Variants in IGSF11 observed in about 807,000 individuals in gnomAD.
IGSF11 encodes the protein immunoglobulin superfamily member 11, also known as CXADR like 1.
IGSF11 carries 22 observed loss-of-function variants against 41.0 expected under a neutral mutation model. The ratio of observed to expected loss-of-function variants is 0.54; its 90% CI spans 0.38 to 0.77. The LOEUF (loss-of-function observed/expected upper bound fraction) is 0.77, where lower values mean the gene tolerates loss of function less well. Among genes scored for constraint, IGSF11 ranks in the 30% least tolerant of loss-of-function variants. The pLI is 0.00. For missense variants in IGSF11, 444 were observed against 530.8 expected (o/e 0.84, Z 1.61); for synonymous variants, 219 against 201.3 (o/e 1.09, Z -0.74).
chr3:118,941,166 T>C (rs2107557746), intron 1 of IGSF11, among the ~76,000 whole-genome samples: 1 of 152,172 alleles, frequency 6.6e-6, no homozygotes, highest in African/African-American at 2.4e-5. Flanking sequence ...GGTAAGTTTC[T>C]TGTCTTCAAA....
rs533497738 is a variant in IGSF11, at chr3:118,909,033, G to A, written c.581-3315C>T. Among the ~76,000 whole-genome samples the A allele has an allele frequency of 1.4e-4, 21 of 152,306 alleles. No individual in the cohort carries two copies. In the South Asian group the frequency reaches 1.7e-3, roughly 12 times the overall value. On this transcript the variant is annotated intron_variant, in intron 4 of 6. Coordinates refer to ENST00000393775, the MANE Select transcript of IGSF11 (RefSeq NM_001015887.3). ...AAAGGTTAGTATAGTATATGGTAAT[G>A]TTTCCATGTGGGAATTCCTTCCTGG...
chr3:119,042,637 C>A (rs1941163398), intron 1 of IGSF11, among the ~76,000 whole-genome samples: 1 of 152,156 alleles, frequency 6.6e-6, no homozygotes, highest in Non-Finnish European at 1.5e-5. Flanking sequence ...AAAGCCTAAG[C>A]TCAGACCTGC....
upstream of IGSF11, among the ~76,000 whole-genome samples, chr3:119,039,171 C>T (rs185467506): frequency 8.5e-5 from 13 of 152,252 alleles, no homozygotes; most frequent in Admixed American, 5.2e-4. Flanking sequence ...TAACAAATTA[C>T]GACAAACTTG....
At chr3:119,048,262 A>C (rs911765085) in intron 1 of IGSF11, among the ~76,000 whole-genome samples, 1 of 152,124 alleles carries the variant, frequency 6.6e-6, no homozygotes, top group Non-Finnish European at 1.5e-5. Flanking sequence ...AAGACAAATA[A>C]AGAAAAAAAG....
Position 118,926,264 on chromosome 3 carries a change from A to C in IGSF11, c.425-8T>G. ...GTGGGGCAGAAGGGGGAACTATAAC[A>C]GGAAGAATAAGCAATAAAGTACACA... On this transcript the variant is annotated splice_region_variant and splice_polypyrimidine_tract_variant and intron_variant, in intron 3 of 6. Coordinates refer to ENST00000393775, the MANE Select transcript of IGSF11 (RefSeq NM_001015887.3). 1.3e-6 allele frequency: 2 copies of C among 1,574,584 alleles called. No individual in the cohort carries two copies. The highest frequency in any genetic ancestry group is 1.7e-6 in the Non-Finnish European group (2 of 1,155,112).
intron 1 of IGSF11, among the ~76,000 whole-genome samples, chr3:118,932,493 G>C (rs969892117): frequency 6.6e-6 from 1 of 152,190 alleles, no homozygotes; most frequent in African/African-American, 2.4e-5. Context: ...TTCATAAACT[G>C]TCTGTGATAG....
upstream of IGSF11, among the ~76,000 whole-genome samples, chr3:119,108,768 T>C (rs932281209): frequency 1.4e-5 from 2 of 145,204 alleles, no homozygotes; most frequent in Admixed American, 7.0e-5. Flanking sequence ...GTCCCATCAA[T>C]ACCTAATTTA....
chr3:118,993,874 G>A (rs1431718782), intron 1 of IGSF11, among the ~76,000 whole-genome samples: 1 of 152,196 alleles, frequency 6.6e-6, no homozygotes, highest in African/African-American at 2.4e-5. Context: ...GGTGTGGGAA[G>A]TGAATACTAA....
At chr3:119,113,243 G>A (rs755598179) in intron 1 of IGSF11, among the ~76,000 whole-genome samples, 4 of 152,066 alleles carry the variant, frequency 2.6e-5, no homozygotes, top group Non-Finnish European at 4.4e-5. Flanking sequence ...ATACAATTAT[G>A]CCTTCCCAAT....
At chr3:118,940,768 T>A (rs1228144103) in intron 1 of IGSF11, among the ~76,000 whole-genome samples, 1 of 151,944 alleles carries the variant, frequency 6.6e-6, no homozygotes, top group Non-Finnish European at 1.5e-5. Flanking sequence ...AGCATTGGAA[T>A]AAGGACATAT....
Position 119,001,309 on chromosome 3 carries a change from T to A in IGSF11, c.52+33222A>T, listed in dbSNP as rs1411094519. Among the ~76,000 whole-genome samples the A allele has an allele frequency of 2.6e-5, 4 of 151,578 alleles. No homozygotes were observed. The East Asian group carries it at 7.7e-4, about 29-fold the overall frequency. On this transcript the variant is annotated intron_variant, in intron 1 of 6. Coordinates refer to ENST00000393775, the MANE Select transcript of IGSF11 (RefSeq NM_001015887.3). ...ACTTACTTATATTTATTTTCTGTCT[T>A]TTGCCAATAGAATGTAAATTCCACA... is the stretch of plus-strand genomic sequence containing the variant.
At chr3:119,062,497 T>C (rs777322748) in intron 1 of IGSF11, among the ~76,000 whole-genome samples, 1 of 152,220 alleles carries the variant, frequency 6.6e-6, no homozygotes, top group Non-Finnish European at 1.5e-5. Context: ...CCTGCTATGA[T>C]GTGTTGAGTG....
rs749249448 is a variant in IGSF11 at position 118,928,729 on chromosome 3, G to A, written c.217-13C>T. 2.5e-6 allele frequency: 4 copies of A among 1,605,512 alleles called. No individual in the cohort carries two copies. The African/African-American group carries it at 4.0e-5, about 16-fold the overall frequency. On this transcript the variant is annotated splice_polypyrimidine_tract_variant and intron_variant, in intron 2 of 6. Transcript: ENST00000393775. ...GATACAGGATGACCTGGAAAAGAAAGCAAAATAAATAAACTGGCCACTCTA... is the reference window on the plus strand; with the variant it reads ...GATACAGGATGACCTGGAAAAGAAAACAAAATAAATAAACTGGCCACTCTA...
intron 1 of IGSF11, among the ~76,000 whole-genome samples, chr3:119,015,885 G>T (rs1283143806): frequency 6.6e-6 from 1 of 152,188 alleles, no homozygotes; most frequent in Non-Finnish European, 1.5e-5. Flanking sequence ...GGCATTACCT[G>T]TCCCACTTTC....
At chr3:118,914,206 A>AG (rs1202516426) in intron 4 of IGSF11, among the ~76,000 whole-genome samples, 1 of 152,228 alleles carries the variant, frequency 6.6e-6, no homozygotes, top group Non-Finnish European at 1.5e-5. Context: ...ATATGGGAAG[A>AG]GGGGGCATAA....
At chr3:118,934,628 A>T (rs1048304883) in intron 1 of IGSF11, among the ~76,000 whole-genome samples, 1 of 152,138 alleles carries the variant, frequency 6.6e-6, no homozygotes, top group Non-Finnish European at 1.5e-5. Flanking sequence ...TGGCTACCTC[A>T]AAGGCACCTC....
intron 1 of IGSF11, among the ~76,000 whole-genome samples, chr3:119,032,483 A>C (rs1451707139): frequency 3.9e-5 from 6 of 152,192 alleles, no homozygotes; most frequent in Non-Finnish European, 7.3e-5. Context: ...CAGCCGAATA[A>C]AGCCCAAACG....
chr3:119,143,187 A>C (rs1023759621), intron 1 of IGSF11, among the ~76,000 whole-genome samples: 2 of 152,192 alleles, frequency 1.3e-5, no homozygotes, highest in Non-Finnish European at 2.9e-5. Context: ...AGGTGATTTA[A>C]TAGCCAGCAT....
chr3:119,017,842 G>T (rs1938891780), intron 1 of IGSF11, among the ~76,000 whole-genome samples: 2 of 146,400 alleles, frequency 1.4e-5, no homozygotes. Flanking sequence ...GAGTGCAATG[G>T]TGTGATCTCG....
Sources: gnomAD v4.1 joint callset for allele counts (sites outside exome capture counted in the v4.1 genomes callset) on GRCh38, gnomAD v4.1.1 for gene constraint, MANE v1.5 for transcripts, NCBI Gene and HGNC (gene_info 2026-07-23, HGNC 2026-07-21) for gene names.